Variants in PTPRJ observed in about 807,000 individuals in gnomAD.
The protein encoded by PTPRJ is protein tyrosine phosphatase receptor type J.
Under a neutral mutation model 141.3 loss-of-function variants are expected in PTPRJ, and 129 were observed. The ratio of observed to expected loss-of-function variants is 0.91; its 90% confidence interval spans 0.79 to 1.06. The LOEUF (loss-of-function observed/expected upper bound fraction) is 1.06, where lower values mean the gene tolerates loss of function less well. PTPRJ is among the 50% of genes least tolerant of loss of function. The pLI, the probability that PTPRJ is intolerant of heterozygous loss-of-function variation, is 0.00. For missense variants in PTPRJ, 1,601 were observed against 1,679.7 expected, an observed-to-expected ratio of 0.95 and a Z score of 0.82; for synonymous variants, 610 against 640.5, an observed-to-expected ratio of 0.95 and a Z score of 0.72.
intron 1 of PTPRJ, among the ~76,000 whole-genome samples, chr11:48,069,768 A>T (rs1422219884): frequency 6.6e-6 from 1 of 152,170 alleles, no homozygotes; most frequent in African/African-American, 2.4e-5. Flanking sequence ...TAATTTGTTT[A>T]TGGAAAGCCA....
chr11:48,167,321 C>A lies in PTPRJ; in HGVS notation c.3973C>A (p.Pro1325Thr). Reference protein sequence around the residue: ...TAMTIYENLAPVTTFGKTNGY... With the variant: ...TAMTIYENLATVTTFGKTNGY... ...AATGACAATCTATGAAAACCTTGCG[C>A]CCGTGACCACATTTGGAAAGACCAA... Residue 1325 changes from proline (P) to threonine (T), a missense_variant, in exon 25 of 25, where the codon CCC (proline) becomes ACC (threonine). Pro to Thr is a conservative substitution (Grantham distance 38). Transcript: ENST00000418331. The A allele has an allele frequency of 6.2e-7, 1 of 1,614,094 alleles. No homozygotes were observed. The highest frequency in any genetic ancestry group is 8.5e-7 in the Non-Finnish European group (1 of 1,179,980).
intron 1 of PTPRJ, among the ~76,000 whole-genome samples, chr11:48,016,956 G>T (rs1854966485): frequency 6.6e-6 from 1 of 151,786 alleles, no homozygotes; most frequent in African/African-American, 2.4e-5. Flanking sequence ...TAGAGACAGG[G>T]TCTCATGTTG....
rs1317465524 is a variant in PTPRJ at position 48,127,779 on chromosome 11, G to A, written c.1094-1G>A. The A allele has an allele frequency of 6.2e-7, 1 of 1,613,698 alleles. No individual in the cohort carries two copies. Among genetic ancestry groups the A allele is most frequent in the African/African-American group, 1.3e-5 (1 of 74,914 alleles). ...TTTGAACTCCTCTTGTGTTCTCACAGATGCTATTCAGGTTTTTGACGTCAC... is the reference window on the plus strand; with the variant it reads ...TTTGAACTCCTCTTGTGTTCTCACAAATGCTATTCAGGTTTTTGACGTCAC... On this transcript the variant is annotated splice_acceptor_variant, in intron 6 of 24. Coordinates refer to ENST00000418331, the MANE Select transcript of PTPRJ (RefSeq NM_002843.4). LOFTEE classifies it high-confidence loss of function.
chr11:48,167,346 A>G lies in PTPRJ; in HGVS notation c.3998A>G (p.Asn1333Ser), dbSNP rs1275162557. 4 of 1,614,018 alleles carry G rather than the reference A, an allele frequency of 2.5e-6. No homozygotes were observed. Among genetic ancestry groups the G allele is most frequent in the East Asian group, 2.2e-5 (1 of 44,900 alleles). Residue 1333 changes from asparagine (N) to serine (S), a missense_variant, in exon 25 of 25, where the codon AAT becomes AGT. Coordinates refer to ENST00000418331, the MANE Select transcript of PTPRJ (RefSeq NM_002843.4). ...CCCGTGACCACATTTGGAAAGACCAATGGTTACATCGCCTAATTCCAAAGG... is the reference window on the plus strand; with the variant it reads ...CCCGTGACCACATTTGGAAAGACCAGTGGTTACATCGCCTAATTCCAAAGG... ...LAPVTTFGKT[N>S]GYIA
Position 48,116,147 on chromosome 11 carries a change from C to T in PTPRJ, c.352+3164C>T, listed in dbSNP as rs139351457. 9.9e-5 allele frequency among the ~76,000 whole-genome samples: 15 copies of T among 151,718 alleles called. No individual in the cohort carries two copies. The East Asian group carries it at 2.5e-3, about 25-fold the overall frequency. On this transcript the variant is annotated intron_variant, in intron 3 of 24. Transcript: ENST00000418331. ...GCGTGAATGGGTTAAAAAAAAAAAC[C>T]GATCTCAATAGTATGCTGTCTACAA...
chr11:48,069,028 C>A (rs947693528), intron 1 of PTPRJ, among the ~76,000 whole-genome samples: 1 of 152,076 alleles, frequency 6.6e-6, no homozygotes, highest in Non-Finnish European at 1.5e-5. Context: ...TTGAATCCAA[C>A]CTTGAAATCA....
chr11:48,130,224 A>G (rs529399478), intron 7 of PTPRJ, among the ~76,000 whole-genome samples: 2 of 151,612 alleles, frequency 1.3e-5, no homozygotes, highest in Admixed American at 6.6e-5. Context: ...TTTCCTGTGA[A>G]TGATTGTGTG....
chr11:48,058,039 GTA>G (rs1854808320), intron 1 of PTPRJ, among the ~76,000 whole-genome samples: 1 of 151,974 alleles, frequency 6.6e-6, no homozygotes, highest in Non-Finnish European at 1.5e-5. Context: ...AGCCTCCCGA[GTA>G]GCTGGGATTA....
At position 48,130,672 on chromosome 11, in the gene PTPRJ, C is replaced by G; in HGVS notation, c.1571C>G (p.Pro524Arg). The change falls in exon 8 of 25, where the codon CCA (proline) becomes CGA (arginine). Residue 524 changes from proline to arginine, a missense_variant. Coordinates refer to ENST00000418331, the MANE Select transcript of PTPRJ (RefSeq NM_002843.4). ...KYCFEIVPKG[P>R]NGTEGASRTV... The stretch of plus-strand genomic sequence containing the variant: ...TGCTTTGAAATAGTTCCAAAAGGAC[C>G]AAATGGGACTGAAGGGGCATCTCGG... 1 of 1,613,908 alleles carries G rather than the reference C, an allele frequency of 6.2e-7. No individual in the cohort carries two copies. Among genetic ancestry groups the G allele is most frequent in the South Asian group, 1.1e-5 (1 of 91,062 alleles).
chr11:48,157,000 T>C (rs1263807096), intron 21 of PTPRJ, among the ~76,000 whole-genome samples: 4 of 151,960 alleles, frequency 2.6e-5, no homozygotes, highest in Admixed American at 1.3e-4. Flanking sequence ...AGATAAGATT[T>C]TTTTTTTTTA....
intron 1 of PTPRJ, among the ~76,000 whole-genome samples, chr11:47,981,941 G>C (rs1164046350): frequency 6.6e-6 from 1 of 152,238 alleles, no homozygotes; most frequent in Non-Finnish European, 1.5e-5. Flanking sequence ...AAGCGGTCTA[G>C]GGCTGCCTTG....
intron 2 of PTPRJ, 43 bp downstream of exon 2, chr11:48,110,119 GC>G: frequency 6.3e-7 from 1 of 1,586,514 alleles, no homozygotes; most frequent in African/African-American, 1.3e-5. Context: ...GTTCGCTACT[GC>G]CCCCTAATGG....
intron 1 of PTPRJ, among the ~76,000 whole-genome samples, chr11:48,006,184 C>T (rs1221366687): frequency 6.6e-6 from 1 of 152,142 alleles, no homozygotes; most frequent in Non-Finnish European, 1.5e-5. Flanking sequence ...GCCTATGTGA[C>T]CTTGGGCTGA....
At chr11:48,128,994 A>G (rs1856905989) in intron 7 of PTPRJ, among the ~76,000 whole-genome samples, 1 of 152,224 alleles carries the variant, frequency 6.6e-6, no homozygotes, top group Non-Finnish European at 1.5e-5. Context: ...TAACACCACC[A>G]AAAACAACAA....
At chr11:48,120,489 G>A (rs1225203218) in intron 3 of PTPRJ, among the ~76,000 whole-genome samples, 1 of 152,030 alleles carries the variant, frequency 6.6e-6, no homozygotes, top group Non-Finnish European at 1.5e-5. Context: ...GCAGTGGCGC[G>A]ATCTTGGCTC....
intron 1 of PTPRJ, among the ~76,000 whole-genome samples, chr11:48,077,758 A>G (rs79397199): frequency 0.01 from 1,597 of 152,314 alleles, 11 homozygotes; most frequent in Non-Finnish European, 0.015. Flanking sequence ...TCAACCTTCA[A>G]GACCTGGTTC....
intron 2 of PTPRJ, among the ~76,000 whole-genome samples, chr11:48,112,256 G>T (rs116067202): frequency 2.2e-3 from 332 of 152,330 alleles, no homozygotes; most frequent in African/African-American, 7.8e-3. Flanking sequence ...CTGCATGGGA[G>T]GCTGGGAAAT....
At chr11:48,037,983 TCCGTC>T (rs1854169862) in intron 1 of PTPRJ, among the ~76,000 whole-genome samples, 1 of 151,436 alleles carries the variant, frequency 6.6e-6, no homozygotes, top group Non-Finnish European at 1.5e-5. Flanking sequence ...GTTGCTAAAT[TCCGTC>T]CATTTTTCAA....
intron 24 of PTPRJ, among the ~76,000 whole-genome samples, chr11:48,166,815 A>G (rs912774414): frequency 6.6e-6 from 1 of 152,164 alleles, no homozygotes; most frequent in East Asian, 1.9e-4. Context: ...TCGGTTGAGC[A>G]TTACAGTTGA....
Sources: gnomAD v4.1 joint callset for allele counts (sites outside exome capture counted in the v4.1 genomes callset) on GRCh38, gnomAD v4.1.1 for gene constraint, MANE v1.5 for transcripts, NCBI Gene and HGNC (gene_info 2026-07-23, HGNC 2026-07-21) for gene names.